MEGF10: variants seen among roughly 807,000 people sequenced by gnomAD.
MEGF10 encodes the protein multiple epidermal growth factor-like domains protein 10.
In MEGF10, 86 loss-of-function variants were observed where a neutral mutation model predicts 147.5. That is an observed-to-expected ratio of 0.58 (90% CI 0.49 to 0.70). MEGF10 has a LOEUF of 0.70. MEGF10 is among the 30% of genes least tolerant of loss of function. The probability of loss-of-function intolerance (pLI) is 0.00; values close to 1 mark genes in which losing one functional copy is unlikely to be tolerated. For missense variants in MEGF10, 1,329 were observed against 1,487.3 expected (o/e 0.89, Z 1.75); for synonymous variants, 478 against 525.5 (o/e 0.91, Z 1.24).
chr5:127,245,054 C>T, the MEGF10 span, among the ~76,000 whole-genome samples: 1 of 152,138 alleles, frequency 6.6e-6, no homozygotes, highest in African/African-American at 2.4e-5. Context: ...AGATTCAATG[C>T]TATCCCCATG....
intron 7 of MEGF10, among the ~76,000 whole-genome samples, chr5:127,399,655 T>C (rs1291268295): frequency 6.6e-6 from 1 of 152,210 alleles, no homozygotes; most frequent in African/African-American, 2.4e-5. Context: ...CTCATTCAGC[T>C]TCATTTCTCC....
the MEGF10 span, among the ~76,000 whole-genome samples, chr5:127,247,624 T>G: frequency 6.6e-6 from 1 of 152,026 alleles, no homozygotes; most frequent in South Asian, 2.1e-4. Context: ...AAAGAAAATA[T>G]GTAAAGTGAC....
chr5:127,340,319 T>A (rs1580734333), intron 3 of MEGF10, among the ~76,000 whole-genome samples: 1 of 152,280 alleles, frequency 6.6e-6, no homozygotes, highest in East Asian at 1.9e-4. Flanking sequence ...TATCTTAAGA[T>A]AAGTGAAAGA....
intron 1 of MEGF10, among the ~76,000 whole-genome samples, chr5:127,328,334 A>G (rs1761121046): frequency 6.6e-6 from 1 of 152,186 alleles, no homozygotes; most frequent in African/African-American, 2.4e-5. Flanking sequence ...TATTGGGACA[A>G]AGATACCAAG....
intron 16 of MEGF10, among the ~76,000 whole-genome samples, chr5:127,436,056 C>G (rs1765544475): frequency 6.6e-6 from 1 of 152,160 alleles, no homozygotes; most frequent in Non-Finnish European, 1.5e-5. Flanking sequence ...ATAAGTCATT[C>G]ATGAATGTTT....
rs138098237 is a variant in MEGF10, at chr5:127,310,995, C to T, written c.-19+19939C>T. On this transcript the variant is annotated intron_variant, in intron 1 of 24. Coordinates refer to ENST00000503335, the MANE Select transcript of MEGF10 (RefSeq NM_001256545.2). ...GCTGAACCTCTAAGGAACCTCAGTC[C>T]CCCTCCCAAAGACATAATATTCCAT... Among the ~76,000 whole-genome samples, 4 of 152,212 alleles carry T rather than the reference C, an allele frequency of 2.6e-5. No homozygotes were observed. In the East Asian group the frequency reaches 7.7e-4, roughly 29 times the overall value.
chr5:127,263,608 T>A, the MEGF10 span, among the ~76,000 whole-genome samples: 1 of 152,158 alleles, frequency 6.6e-6, no homozygotes, highest in Non-Finnish European at 1.5e-5. Flanking sequence ...ATTTCTAATC[T>A]TCTATGCCAG....
the MEGF10 span, among the ~76,000 whole-genome samples, chr5:127,247,416 GA>G: frequency 1.7e-4 from 13 of 77,322 alleles, 1 homozygote; most frequent in African/African-American, 4.8e-4. Flanking sequence ...AGAAGAAGAA[GA>G]AGAAGAAGAA....
chr5:127,317,582 G>A (rs184765627), intron 1 of MEGF10, among the ~76,000 whole-genome samples: 53 of 152,282 alleles, frequency 3.5e-4, no homozygotes, highest in African/African-American at 1.1e-3. Context: ...AAAAAAGGAT[G>A]AGTTCATGTG....
chr5:127,262,068 C>T, the MEGF10 span, among the ~76,000 whole-genome samples: 22 of 152,058 alleles, frequency 1.4e-4, no homozygotes, highest in Non-Finnish European at 2.5e-4. Context: ...TCTGTCTTTC[C>T]ACTTTTTCTT....
chr5:127,396,094 A>C (rs140185053), intron 5 of MEGF10, among the ~76,000 whole-genome samples: 1 of 151,992 alleles, frequency 6.6e-6, no homozygotes, highest in African/African-American at 2.4e-5. Flanking sequence ...ATCTTTCACT[A>C]CCAATCCCTT....
the MEGF10 span, among the ~76,000 whole-genome samples, chr5:127,244,755 A>G: frequency 1.3e-5 from 2 of 152,178 alleles, no homozygotes. Context: ...AAACCAAGCT[A>G]TTGTCAAAAT....
chr5:127,293,889 C>T (rs770960601), intron 1 of MEGF10, among the ~76,000 whole-genome samples: 21 of 152,200 alleles, frequency 1.4e-4, no homozygotes, highest in Non-Finnish European at 2.4e-4. Flanking sequence ...ACCTCCTTAC[C>T]GCTATACACA....
chr5:127,334,553 G>A (rs895601639), intron 2 of MEGF10, among the ~76,000 whole-genome samples: 22 of 152,234 alleles, frequency 1.4e-4, no homozygotes, highest in African/African-American at 4.8e-4. Context: ...TGCAGCGATT[G>A]TGATTCTAAG....
intron 5 of MEGF10, among the ~76,000 whole-genome samples, chr5:127,378,157 CT>C (rs1271378525): frequency 6.6e-6 from 1 of 152,192 alleles, no homozygotes; most frequent in Non-Finnish European, 1.5e-5. Context: ...TGCTATCCCC[CT>C]AACTGCTCTC....
chr5:127,347,576 G>C (rs949701240), intron 4 of MEGF10, among the ~76,000 whole-genome samples: 2 of 151,976 alleles, frequency 1.3e-5, no homozygotes, highest in South Asian at 2.1e-4. Context: ...AAATGTTTAT[G>C]GTTGAGAAAT....
At chr5:127,313,442 A>G (rs948742813) in intron 1 of MEGF10, among the ~76,000 whole-genome samples, 1 of 152,190 alleles carries the variant, frequency 6.6e-6, no homozygotes, top group African/African-American at 2.4e-5. Flanking sequence ...TATAATTTCA[A>G]TTCTTGTGTT....
At position 127,438,574 on chromosome 5, in the gene MEGF10, G is replaced by C; in HGVS notation, c.2233+7G>C. ...GGGCTCTACTGCACTCAGAGTAAGT[G>C]ACAAGCCTTCTGAGGCTCACCAAGG... On this transcript the variant is annotated splice_region_variant and intron_variant, in intron 17 of 24. Transcript: ENST00000503335. 1 of 1,613,604 alleles carries C rather than the reference G, an allele frequency of 6.2e-7. No individual in the cohort carries two copies. The highest frequency in any genetic ancestry group is 8.5e-7 in the Non-Finnish European group (1 of 1,179,740).
the MEGF10 span, among the ~76,000 whole-genome samples, chr5:127,253,882 A>G: frequency 5.4e-4 from 82 of 152,244 alleles, 1 homozygote; most frequent in African/African-American, 1.9e-3. Flanking sequence ...TATAAACTCA[A>G]TTCAATTCTA....
Sources: gnomAD v4.1 joint callset for allele counts (sites outside exome capture counted in the v4.1 genomes callset) on GRCh38, gnomAD v4.1.1 for gene constraint, MANE v1.5 for transcripts, NCBI Gene and HGNC (gene_info 2026-07-23, HGNC 2026-07-21) for gene names.